The following KCNK2 variants were observed in gnomAD, a reference collection of about 807,000 sequenced individuals.
The protein encoded by KCNK2 is potassium two pore domain channel subfamily K member 2, also known as potassium channel subfamily K member 2.
In KCNK2, 21 loss-of-function variants were observed where a neutral mutation model predicts 40.5. The observed-to-expected ratio is 0.52, with a 90% CI of 0.37 to 0.75. The LOEUF is 0.75. Among genes scored for constraint, KCNK2 ranks in the 30% least tolerant of loss-of-function variants. KCNK2 has a pLI of 0.00. For missense variants in KCNK2, 399 were observed against 531.6 expected, an observed-to-expected ratio of 0.75 and a Z score of 2.45; for synonymous variants, 191 against 202.2, an observed-to-expected ratio of 0.94 and a Z score of 0.47.
intron 1 of KCNK2, among the ~76,000 whole-genome samples, chr1:215,049,961 T>A (rs184035678): frequency 1.3e-5 from 2 of 152,286 alleles, no homozygotes; most frequent in East Asian, 3.9e-4. Flanking sequence ...TATTCTTATT[T>A]GTCAAGATTG....
chr1:215,176,806 C>T (rs1379836570), intron 5 of KCNK2, among the ~76,000 whole-genome samples: 1 of 152,126 alleles, frequency 6.6e-6, no homozygotes, highest in Non-Finnish European at 1.5e-5. Context: ...CATATGTGTG[C>T]ATGTATCTTT....
rs913952589 is a variant in KCNK2 at position 215,236,728 on chromosome 1, A to G, written c.*1583A>G. 2 of 152,094 alleles carry G rather than the reference A, an allele frequency of 1.3e-5. No homozygotes were observed. Among genetic ancestry groups the G allele is most frequent in the Non-Finnish European group, 2.9e-5 (2 of 68,016 alleles). The allele number at this position is 152,094 out of a possible 1,614,324, so 9.4% of individuals were successfully genotyped here. ...CAGAAAGAAAATAATTTCCCTAAAT[A>G]TAATTGCAAACTGATTTCTTTTACT... On this transcript the variant is annotated 3_prime_UTR_variant, in exon 7 of 7. Transcript: ENST00000444842.
In KCNK2 at chr1:215,022,857, T is replaced by C. The variant is rs140891601; in HGVS notation, c.34+16902T>C. 4.3e-4 allele frequency among the ~76,000 whole-genome samples: 65 copies of C among 152,336 alleles called. 1 individual carries two copies. The East Asian group carries it at 0.012, about 28-fold the overall frequency. The stretch of plus-strand genomic sequence containing the variant: ...CTGGATTTCACAACTTTAATGTTTA[T>C]GCAAGGACTTTGACTTTTAAAGTGA... On this transcript the variant is annotated intron_variant, in intron 1 of 6. Coordinates refer to the KCNK2 transcript ENST00000391895.
chr1:215,080,220 C>T (rs1455442579), upstream of KCNK2, among the ~76,000 whole-genome samples: 1 of 152,170 alleles, frequency 6.6e-6, no homozygotes, highest in East Asian at 1.9e-4. Flanking sequence ...CATATTCAAA[C>T]TATTAATCTC....
At chr1:215,174,046 A>G (rs1249635911) in intron 5 of KCNK2, among the ~76,000 whole-genome samples, 1 of 152,202 alleles carries the variant, frequency 6.6e-6, no homozygotes, top group East Asian at 1.9e-4. Flanking sequence ...GTCCTTGCCC[A>G]TGCCTATGTC....
At chr1:215,185,149 C>T (rs1664383230) in intron 5 of KCNK2, among the ~76,000 whole-genome samples, 1 of 151,022 alleles carries the variant, frequency 6.6e-6, no homozygotes, top group Non-Finnish European at 1.5e-5. Flanking sequence ...TTTTATTTGA[C>T]AGAGGAAATA....
At chr1:215,234,757 T>G in intron 6 of KCNK2, 71 bp from the exon 7 acceptor site, 1 of 1,369,024 alleles carries the variant, frequency 7.3e-7, no homozygotes. Context: ...TAAAATGAAC[T>G]GAAGATAAAG....
intron 5 of KCNK2, among the ~76,000 whole-genome samples, chr1:215,172,951 G>T (rs2102638892): frequency 6.6e-6 from 1 of 152,084 alleles, no homozygotes; most frequent in South Asian, 2.1e-4. Flanking sequence ...CCCGGCCTAA[G>T]AATCTTATTA....
chr1:215,110,251 C>T (rs1660620178), intron 2 of KCNK2, among the ~76,000 whole-genome samples: 1 of 151,734 alleles, frequency 6.6e-6, no homozygotes, highest in African/African-American at 2.4e-5. Flanking sequence ...TTTTTGTTGC[C>T]TGTGCTTTTG....
chr1:215,048,400 G>A (rs1464816852), intron 1 of KCNK2, among the ~76,000 whole-genome samples: 2 of 152,104 alleles, frequency 1.3e-5, no homozygotes, highest in African/African-American at 4.8e-5. Context: ...AGATTAAAAA[G>A]AAATGCTTAG....
intron 1 of KCNK2, among the ~76,000 whole-genome samples, chr1:215,072,956 GTC>G (rs1221292817): frequency 3.3e-5 from 5 of 152,126 alleles, no homozygotes. Flanking sequence ...ATGAAATAAG[GTC>G]TTTACAGAGG....
At chr1:215,014,770 T>TAATTTTTCCATGAACTGATAAGG (rs1447826570) in intron 1 of KCNK2, among the ~76,000 whole-genome samples, 1 of 151,964 alleles carries the variant, frequency 6.6e-6, no homozygotes, top group East Asian at 1.9e-4. Flanking sequence ...CTGATAAGGG[T>TAATTTTTCCATGAACTGATAAGG]GTGTTCCTTT....
intron 5 of KCNK2, among the ~76,000 whole-genome samples, chr1:215,187,753 C>T (rs1432281956): frequency 6.6e-6 from 1 of 151,260 alleles, no homozygotes; most frequent in Admixed American, 6.6e-5. Flanking sequence ...CTTAACACTC[C>T]TTTTCAGAAT....
intron 6 of KCNK2, among the ~76,000 whole-genome samples, chr1:215,214,551 C>T (rs1665881009): frequency 6.6e-6 from 1 of 152,174 alleles, no homozygotes; most frequent in East Asian, 1.9e-4. Context: ...CATGGCCAGG[C>T]TCAGTGACCC....
chr1:215,077,138 C>T (rs1348839781), intron 1 of KCNK2, among the ~76,000 whole-genome samples: 1 of 152,150 alleles, frequency 6.6e-6, no homozygotes, highest in African/African-American at 2.4e-5. Flanking sequence ...AGTTGAGAAG[C>T]TGAGAAATTC....
At chr1:215,036,020 G>C (rs1156732496) in intron 1 of KCNK2, among the ~76,000 whole-genome samples, 1 of 151,636 alleles carries the variant, frequency 6.6e-6, no homozygotes, top group African/African-American at 2.4e-5. Flanking sequence ...TTGATATGCA[G>C]AAGGTTTTAA....
chr1:215,177,740 A>ATATATATATATTT (rs71167812), intron 5 of KCNK2, among the ~76,000 whole-genome samples: 8 of 101,576 alleles, frequency 7.9e-5, no homozygotes, highest in South Asian at 3.0e-4. Context: ...ATATATATAT[A>ATATATATATATTT]TTTTTTTTTT....
rs1401245620 is a variant in KCNK2 at position 215,083,197 on chromosome 1, C to A, written c.-189C>A. On this transcript the variant is annotated 5_prime_UTR_variant, in exon 1 of 7. Transcript: ENST00000444842. ...GCGATTTCGTTTCTTCTCACGCTCC[C>A]CCCCCCGCCCCCTCCCGCGTCCAGC... The A allele has an allele frequency of 5.6e-6, 3 of 536,476 alleles. No individual in the cohort carries two copies. Among genetic ancestry groups the A allele is most frequent in the Non-Finnish European group, 9.6e-6 (3 of 311,394 alleles). The allele number at this position is 536,476 out of a possible 1,614,324, so 33.2% of individuals were successfully genotyped here.
intron 4 of KCNK2, among the ~76,000 whole-genome samples, chr1:215,170,257 A>G (rs1663645977): frequency 6.6e-6 from 1 of 152,210 alleles, no homozygotes; most frequent in Non-Finnish European, 1.5e-5. Flanking sequence ...GTATCTACAC[A>G]ATGTAATTTA....
Sources: gnomAD v4.1 joint callset for allele counts (sites outside exome capture counted in the v4.1 genomes callset) on GRCh38, gnomAD v4.1.1 for gene constraint, MANE v1.5 for transcripts, NCBI Gene and HGNC (gene_info 2026-07-23, HGNC 2026-07-21) for gene names.